AKAP3: variants seen among roughly 807,000 people sequenced by gnomAD.
AKAP3 encodes A-kinase anchoring protein 3.
In AKAP3, 27 loss-of-function variants were observed where a neutral mutation model predicts 57.2. That is an observed-to-expected ratio of 0.47 (90% CI 0.35 to 0.65). The LOEUF is 0.65. Ranked by LOEUF, AKAP3 falls within the 30% of genes least tolerant of loss-of-function variation. The probability of loss-of-function intolerance (pLI) is 0.01; values close to 1 mark genes in which losing one functional copy is unlikely to be tolerated. For synonymous variants in AKAP3, 334 were observed against 392.3 expected (o/e 0.85, Z 1.76); for missense variants, 959 against 1,040.0 (o/e 0.92, Z 1.07).
chr12:4,636,169 A>G, intron 4 of AKAP3: 1 of 615,696 alleles, frequency 1.6e-6, no homozygotes, highest in East Asian at 3.3e-5. Context: ...CCATGTTCAC[A>G]TTTGAAATAA....
chr12:4,642,050 A>G (rs573632537), intron 2 of AKAP3, 46 bp from the exon 3 acceptor site: 2 of 152,304 alleles, frequency 1.3e-5, no homozygotes, highest in East Asian at 3.9e-4. Context: ...TTACAGATGG[A>G]ACGTATTGCT....
intron 4 of AKAP3, among the ~76,000 whole-genome samples, chr12:4,630,036 AATAAC>A (rs1303112282): frequency 1.3e-5 from 2 of 152,218 alleles, no homozygotes; most frequent in Non-Finnish European, 2.9e-5. Context: ...CACAGGATAA[AATAAC>A]ATAATATATA....
At chr12:4,639,054 C>T (rs1281578561) in intron 3 of AKAP3, among the ~76,000 whole-genome samples, 2 of 152,286 alleles carry the variant, frequency 1.3e-5, no homozygotes, top group East Asian at 1.9e-4. Context: ...ATTGCTTATA[C>T]CTGCTGCTTT....
chr12:4,646,254 T>C (rs1166574875), intron 1 of AKAP3, among the ~76,000 whole-genome samples: 6 of 152,092 alleles, frequency 3.9e-5, no homozygotes, highest in African/African-American at 1.4e-4. Context: ...TAATTAATGA[T>C]TAAATATAGG....
At chr12:4,632,035 T>C (rs1425502811) in intron 4 of AKAP3, among the ~76,000 whole-genome samples, 1 of 152,236 alleles carries the variant, frequency 6.6e-6, no homozygotes, top group Non-Finnish European at 1.5e-5. Flanking sequence ...TATTATGTTT[T>C]ATAGTATGTC....
Position 4,615,634 on chromosome 12 carries a change from A to G in AKAP3, c.*105T>C. ...ATGAGAGTGGTGTGAAGATAATGTT[A>G]GGGCTCTGTGAGGATATAGAGGGGG... On this transcript the variant is annotated 3_prime_UTR_variant, in exon 6 of 6. Transcript: ENST00000228850. 3 of 1,374,686 alleles carry G rather than the reference A, an allele frequency of 2.2e-6. No homozygotes were observed. Among genetic ancestry groups the G allele is most frequent in the Non-Finnish European group, 3.0e-6 (3 of 1,002,904 alleles). 85.2% of individuals were successfully genotyped at this position (1,374,686 alleles called of 1,614,324 possible). A position where few individuals can be genotyped will look rare whatever the true frequency, so the allele number is the denominator to read the frequency against.
chr12:4,633,719 T>A (rs560145941), intron 4 of AKAP3, among the ~76,000 whole-genome samples: 10 of 108,616 alleles, frequency 9.2e-5, no homozygotes, highest in African/African-American at 3.0e-4. Flanking sequence ...TTTTATTTTC[T>A]CTGCTCAGCA....
At position 4,646,534 on chromosome 12, in the gene AKAP3, T is replaced by C. The variant is rs532967706; in HGVS notation, c.-244-1342A>G. On this transcript the variant is annotated intron_variant, in intron 1 of 5. Transcript: ENST00000228850. Reference sequence around the variant, plus strand: ...AAAAATACAAAAAATTAGCCAGGCATGGTGGTACACGCTTGTAATGCCAGC... The same window carrying C: ...AAAAATACAAAAAATTAGCCAGGCACGGTGGTACACGCTTGTAATGCCAGC... Among the ~76,000 whole-genome samples, 164 of 152,080 alleles carry C rather than the reference T, an allele frequency of 1.1e-3. 1 individual carries two copies. The highest frequency in any genetic ancestry group is 3.7e-3 in the African/African-American group (153 of 41,480).
chr12:4,640,106 G>A (rs549384186), intron 3 of AKAP3, among the ~76,000 whole-genome samples: 4 of 152,160 alleles, frequency 2.6e-5, no homozygotes, highest in Non-Finnish European at 4.4e-5. Context: ...ATGAGCCACC[G>A]TGCCCAGCCT....
intron 4 of AKAP3, among the ~76,000 whole-genome samples, chr12:4,632,862 G>C (rs1337221319): frequency 1.3e-5 from 2 of 152,036 alleles, no homozygotes; most frequent in Admixed American, 1.3e-4. Context: ...GGATGGTCTC[G>C]ATCTCCTGAC....
intron 4 of AKAP3, among the ~76,000 whole-genome samples, chr12:4,635,171 T>C (rs1945548665): frequency 6.6e-6 from 1 of 152,228 alleles, no homozygotes; most frequent in African/African-American, 2.4e-5. Context: ...GAGGGACCCA[T>C]GCATGTTATT....
rs142907954 is a variant in AKAP3, at chr12:4,627,793, G to A, written c.1109C>T (p.Ala370Val). Residue 370 changes from alanine to valine, a missense_variant, in exon 5 of 6, where the codon GCC becomes GTC. By Grantham distance (64) the Ala-to-Val change is moderately conservative. Coordinates refer to ENST00000228850, the MANE Select transcript of AKAP3 (RefSeq NM_001278309.2). Reference sequence around the variant, plus strand: ...TAGCATGGCATCCATGATATCTGTGGCCTTTTGGCTTCCATGAGAGAAGAC... The same window carrying A: ...TAGCATGGCATCCATGATATCTGTGACCTTTTGGCTTCCATGAGAGAAGAC... ...RTVFSHGSQK[A>V]TDIMDAMLRK... The A allele has an allele frequency of 3.5e-5, 56 of 1,613,996 alleles. No individual in the cohort carries two copies. Among genetic ancestry groups the A allele is most frequent in the Non-Finnish European group, 4.6e-5 (54 of 1,180,010 alleles).
At chr12:4,646,340 T>A (rs747923276) in intron 1 of AKAP3, among the ~76,000 whole-genome samples, 9 of 151,740 alleles carry the variant, frequency 5.9e-5, no homozygotes, top group Non-Finnish European at 1.2e-4. Context: ...TTGCAACAGA[T>A]TCAAAAGCGG....
intron 5 of AKAP3, among the ~76,000 whole-genome samples, chr12:4,618,538 AT>A (rs2137423763): frequency 6.6e-6 from 1 of 152,384 alleles, no homozygotes; most frequent in South Asian, 2.1e-4. Context: ...GAAAATCTTC[AT>A]GGCCTTGCAT....
At chr12:4,616,719 G>C (rs1421018898) in intron 5 of AKAP3, among the ~76,000 whole-genome samples, 2 of 152,152 alleles carry the variant, frequency 1.3e-5, no homozygotes, top group Non-Finnish European at 2.9e-5. Context: ...AGAGAGGAAA[G>C]TCAGTAAACT....
intron 3 of AKAP3, among the ~76,000 whole-genome samples, chr12:4,639,141 C>A (rs1945603545): frequency 6.6e-6 from 1 of 152,164 alleles, no homozygotes; most frequent in Non-Finnish European, 1.5e-5. Context: ...GCCTTAGTCT[C>A]ACACACTTTC....
At chr12:4,630,278 C>T (rs894257755) in intron 4 of AKAP3, among the ~76,000 whole-genome samples, 2 of 152,124 alleles carry the variant, frequency 1.3e-5, no homozygotes, top group Non-Finnish European at 2.9e-5. Flanking sequence ...TCCTCATATT[C>T]GCCTAGTAAG....
chr12:4,648,868 C>T lies in AKAP3; in HGVS notation c.-368G>A. ...GAGTCAGTCACTGGTTAACTCTGAACTTCAGGTTCCTCGGCAATTAGAGAT... is the reference window on the plus strand; with the variant it reads ...GAGTCAGTCACTGGTTAACTCTGAATTTCAGGTTCCTCGGCAATTAGAGAT... On this transcript the variant is annotated 5_prime_UTR_variant, in exon 1 of 6. Coordinates refer to ENST00000228850, the MANE Select transcript of AKAP3 (RefSeq NM_001278309.2). 2.0e-6 allele frequency: 1 copy of T among 498,202 alleles called. No homozygotes were observed. The highest frequency in any genetic ancestry group is 3.5e-6 in the Non-Finnish European group (1 of 281,776). 30.9% of individuals were successfully genotyped at this position (498,202 alleles called of 1,614,324 possible).
intron 5 of AKAP3, among the ~76,000 whole-genome samples, chr12:4,616,285 T>C (rs1331424046): frequency 1.3e-5 from 2 of 152,196 alleles, no homozygotes; most frequent in Non-Finnish European, 2.9e-5. Context: ...CAGAGATCAA[T>C]TCAACCCTCA....
Sources: gnomAD v4.1 joint callset for allele counts (sites outside exome capture counted in the v4.1 genomes callset) on GRCh38, gnomAD v4.1.1 for gene constraint, MANE v1.5 for transcripts, NCBI Gene and HGNC (gene_info 2026-07-23, HGNC 2026-07-21) for gene names.